RALGPS1: variants seen among roughly 807,000 people sequenced by gnomAD.
RALGPS1 encodes the protein Ral GEF with PH domain and SH3 binding motif 1, also known as ras-specific guanine nucleotide-releasing factor RalGPS1.
Under a neutral mutation model 78.8 loss-of-function variants are expected in RALGPS1, and 19 were observed. That is an observed-to-expected ratio of 0.24 (90% CI 0.17 to 0.35). The LOEUF is 0.35. Ranked by LOEUF, RALGPS1 falls within the 10% of genes least tolerant of loss-of-function variation. The pLI is 1.00. For missense variants in RALGPS1, 454 were observed against 688.3 expected, an observed-to-expected ratio of 0.66 and a Z score of 3.81; for synonymous variants, 228 against 256.3, an observed-to-expected ratio of 0.89 and a Z score of 1.06.
chr9:126,945,254 G>A (rs946126381), intron 1 of RALGPS1, among the ~76,000 whole-genome samples: 2 of 151,884 alleles, frequency 1.3e-5, no homozygotes, highest in African/African-American at 2.4e-5. Context: ...GCTGGAGTGC[G>A]GTGGCACAAT....
chr9:127,151,757 GGATA>G (rs2058436259), intron 8 of RALGPS1, among the ~76,000 whole-genome samples: 2 of 152,068 alleles, frequency 1.3e-5, no homozygotes. Context: ...ATGTATCTAG[GGATA>G]GATAGATCTC....
intron 8 of RALGPS1, among the ~76,000 whole-genome samples, chr9:127,107,448 C>T (rs2054325732): frequency 6.6e-6 from 1 of 152,194 alleles, no homozygotes; most frequent in Admixed American, 6.5e-5. Context: ...CCATGCCCAG[C>T]CCCTACAATG....
At position 127,156,113 on chromosome 9, in the gene RALGPS1, C is replaced by T. The variant is rs187573316; in HGVS notation, c.611-9956C>T. 2.6e-3 allele frequency among the ~76,000 whole-genome samples: 397 copies of T among 152,190 alleles called. 1 individual carries two copies. Among genetic ancestry groups the T allele is most frequent in the Non-Finnish European group, 4.0e-3 (271 of 68,010 alleles). On this transcript the variant is annotated intron_variant, in intron 8 of 18. Coordinates refer to ENST00000259351, the MANE Select transcript of RALGPS1 (RefSeq NM_014636.3). ...TAAAAACATATCATGGATATCTTTC[C>T]GTGTCAGTTCTTAGAAATATATTTT...
chr9:127,208,993 A>G (rs557509378), intron 14 of RALGPS1, among the ~76,000 whole-genome samples: 9 of 152,294 alleles, frequency 5.9e-5, no homozygotes, highest in Admixed American at 3.3e-4. Flanking sequence ...AAAAGTGGCA[A>G]AGGGGCCAGA....
chr9:127,198,558 G>C (rs1245603532), intron 13 of RALGPS1, among the ~76,000 whole-genome samples: 1 of 152,188 alleles, frequency 6.6e-6, no homozygotes, highest in Non-Finnish European at 1.5e-5. Flanking sequence ...GCTCTCCCTT[G>C]AGGCTTCTGT....
chr9:127,104,641 A>G (rs1281157), intron 8 of RALGPS1, among the ~76,000 whole-genome samples: 71,316 of 152,050 alleles, frequency 0.47, 17,301 homozygotes, highest in Non-Finnish European at 0.51. Context: ...CTGGCCTGGG[A>G]CCACCCTGTT....
At chr9:127,040,965 G>A (rs746242954) in intron 5 of RALGPS1, among the ~76,000 whole-genome samples, 19 of 150,558 alleles carry the variant, frequency 1.3e-4, no homozygotes, top group Non-Finnish European at 2.4e-4. Context: ...TTCACTTACT[G>A]AAGGACATCT....
At chr9:127,088,818 C>T (rs1232193647) in intron 8 of RALGPS1, 2 of 1,172,448 alleles carry the variant, frequency 1.7e-6, no homozygotes, top group Non-Finnish European at 2.5e-6. Context: ...AAACAGAATC[C>T]AGCATCCCGG....
At chr9:127,054,272 T>A (rs762336243) in intron 7 of RALGPS1, among the ~76,000 whole-genome samples, 1 of 152,232 alleles carries the variant, frequency 6.6e-6, no homozygotes, top group Non-Finnish European at 1.5e-5. Flanking sequence ...TTGGAGATTC[T>A]TTTTCAAATG....
chr9:127,198,946 G>A (rs2061478513), intron 13 of RALGPS1, 69 bp from the exon 14 acceptor site: 19 of 1,409,224 alleles, frequency 1.3e-5, no homozygotes, highest in South Asian at 2.3e-5. Flanking sequence ...GCCTGGGCTC[G>A]GTGACCCAGG....
chr9:126,979,995 G>A (rs546286717), intron 4 of RALGPS1, among the ~76,000 whole-genome samples: 1 of 152,266 alleles, frequency 6.6e-6, no homozygotes, highest in African/African-American at 2.4e-5. Flanking sequence ...GGCAGAGTGA[G>A]GATTCAGAAC....
At position 127,218,627 on chromosome 9, in the gene RALGPS1, C is replaced by G. The variant is rs1049277271; in HGVS notation, c.1645-113C>G. 5 of 1,138,392 alleles carry G rather than the reference C, an allele frequency of 4.4e-6. No individual in the cohort carries two copies. The highest frequency in any genetic ancestry group is 1.2e-5 in the South Asian group (1 of 80,954). The allele number at this position is 1,138,392 out of a possible 1,614,324, so 70.5% of individuals were successfully genotyped here. A position where few individuals can be genotyped will look rare whatever the true frequency, so the allele number is the denominator to read the frequency against. Reference sequence around the variant, plus strand: ...ATTGCCATACCCTCTCCCTACCCAACCTGCTCATTCCCAGACTCACGGGGA... The same window carrying G: ...ATTGCCATACCCTCTCCCTACCCAAGCTGCTCATTCCCAGACTCACGGGGA... On this transcript the variant is annotated intron_variant, in intron 18 of 18. Transcript: ENST00000259351. This position sits in a 1 kb window ranked among gnomAD's most constrained non-coding sequence, Gnocchi z 4.4.
chr9:127,071,957 T>A (rs1390555352), intron 8 of RALGPS1, among the ~76,000 whole-genome samples: 1 of 152,218 alleles, frequency 6.6e-6, no homozygotes, highest in Non-Finnish European at 1.5e-5. Context: ...CCATGAGCAG[T>A]CATTCGCATT....
chr9:127,008,234 T>C (rs1051371101), intron 4 of RALGPS1, among the ~76,000 whole-genome samples: 3 of 152,280 alleles, frequency 2.0e-5, no homozygotes, highest in South Asian at 2.1e-4. Context: ...GATACCTGCA[T>C]GAGGTATCCT....
intron 11 of RALGPS1, among the ~76,000 whole-genome samples, chr9:127,192,953 T>C (rs2061153187): frequency 6.6e-6 from 1 of 152,124 alleles, no homozygotes; most frequent in African/African-American, 2.4e-5. Flanking sequence ...CTTCATTGAT[T>C]TGGCAAGAAG....
chr9:127,054,665 G>A (rs2048564527), intron 7 of RALGPS1, among the ~76,000 whole-genome samples: 1 of 152,092 alleles, frequency 6.6e-6, no homozygotes, highest in South Asian at 2.1e-4. Context: ...TCCTGTTGAT[G>A]GTTCTTTGCT....
chr9:127,192,694 T>C (rs888993884), intron 11 of RALGPS1, among the ~76,000 whole-genome samples: 3 of 151,762 alleles, frequency 2.0e-5, no homozygotes, highest in Non-Finnish European at 4.4e-5. Flanking sequence ...GTAGTCAAGA[T>C]TTAAGAGTCA....
chr9:127,168,696 C>T lies in RALGPS1; in HGVS notation c.766C>T (p.Pro256Ser). The change falls in exon 10 of 19, where the codon CCC (proline) becomes TCC (serine). Residue 256 changes from proline (P) to serine (S), a missense_variant. Coordinates refer to ENST00000259351, the MANE Select transcript of RALGPS1 (RefSeq NM_014636.3). ...TTTTGCAGATCACCTCACCACCCTGCCCCATGTGCAGAAGTACCTGAAGTC... is the reference window on the plus strand; with the variant it reads ...TTTTGCAGATCACCTCACCACCCTGTCCCATGTGCAGAAGTACCTGAAGTC... ...SCSYDHLTTL[P>S]HVQKYLKSVR... 1 of 1,613,326 alleles carries T rather than the reference C, an allele frequency of 6.2e-7. No homozygotes were observed. Among genetic ancestry groups the T allele is most frequent in the East Asian group, 2.2e-5 (1 of 44,886 alleles).
chr9:127,100,101 A>G (rs963881046), intron 8 of RALGPS1, among the ~76,000 whole-genome samples: 5 of 152,226 alleles, frequency 3.3e-5, no homozygotes, highest in African/African-American at 7.2e-5. Flanking sequence ...TTTGAAAACA[A>G]CTTGTAGGTT....
Sources: allele counts gnomAD v4.1 joint callset (sites outside exome capture counted in the v4.1 genomes callset), GRCh38; gene constraint gnomAD v4.1.1; non-coding constraint Gnocchi (gnomAD v3.1); transcripts MANE v1.5; gene names NCBI Gene and HGNC (gene_info 2026-07-23, HGNC 2026-07-21).